The following BRINP2 variants were observed in gnomAD, a reference collection of about 807,000 sequenced individuals.
BRINP2 encodes BMP/retinoic acid inducible neural specific 2, also known as BMP/retinoic acid-inducible neural-specific protein 2.
In BRINP2, 21 loss-of-function variants were observed where a neutral mutation model predicts 69.2. That is an observed-to-expected ratio of 0.30 (90% CI 0.22 to 0.44). BRINP2 has a LOEUF of 0.44. Among genes scored for constraint, BRINP2 ranks in the 20% least tolerant of loss-of-function variants. The pLI, the probability that BRINP2 is intolerant of heterozygous loss-of-function variation, is 1.00. For synonymous variants in BRINP2, 380 were observed against 394.1 expected (o/e 0.96, Z 0.42); for missense variants, 877 against 986.0 (o/e 0.89, Z 1.48).
At chr1:177,238,282 A>G (rs1439118483) in intron 2 of BRINP2, among the ~76,000 whole-genome samples, 1 of 152,268 alleles carries the variant, frequency 6.6e-6, no homozygotes, top group African/African-American at 2.4e-5. Context: ...GAGTAGAAAC[A>G]GTGAGTCTGC....
At chr1:177,260,034 T>C (rs1650897233) in intron 4 of BRINP2, among the ~76,000 whole-genome samples, 1 of 152,200 alleles carries the variant, frequency 6.6e-6, no homozygotes, top group African/African-American at 2.4e-5. Context: ...CTGACAAATC[T>C]GGGCAAAGTA....
chr1:177,219,681 A>G (rs1017542928), intron 1 of BRINP2, among the ~76,000 whole-genome samples: 2 of 152,202 alleles, frequency 1.3e-5, no homozygotes, highest in African/African-American at 4.8e-5. Context: ...AGCTTGGGCT[A>G]AAAGTTCAGA....
At chr1:177,221,557 T>G (rs952510394) in intron 1 of BRINP2, among the ~76,000 whole-genome samples, 1 of 152,214 alleles carries the variant, frequency 6.6e-6, no homozygotes, top group Non-Finnish European at 1.5e-5. Context: ...ATCAGAATGT[T>G]GCATCAAAAT....
chr1:177,189,337 AT>A (rs1450276580), intron 1 of BRINP2, among the ~76,000 whole-genome samples: 1 of 152,156 alleles, frequency 6.6e-6, no homozygotes, highest in Non-Finnish European at 1.5e-5. Context: ...AACAAGGTCC[AT>A]TTGGTAACTG....
chr1:177,202,464 A>G (rs1462990871), intron 1 of BRINP2, among the ~76,000 whole-genome samples: 3 of 152,228 alleles, frequency 2.0e-5, no homozygotes, highest in East Asian at 1.9e-4. Context: ...TATGTACCCA[A>G]TAGTCATTTA....
chr1:177,259,652 T>C (rs2102349386), intron 4 of BRINP2, among the ~76,000 whole-genome samples: 1 of 152,314 alleles, frequency 6.6e-6, no homozygotes, highest in Non-Finnish European at 1.5e-5. Flanking sequence ...AAGCCAAGAC[T>C]CATTTAGCAT....
chr1:177,180,417 C>G lies in BRINP2; in HGVS notation c.-77+8685C>G, dbSNP rs77844394. On this transcript the variant is annotated intron_variant, in intron 1 of 7. Transcript: ENST00000361539. ...CTTGTATCAGCCTCAGTACCCCCAC[C>G]TAGTAAAATGGATATTACACCTTAT... Among the ~76,000 whole-genome samples, 1,066 of 152,234 alleles carry G rather than the reference C, an allele frequency of 7.0e-3. 12 individuals are homozygous for G. Among genetic ancestry groups the G allele is most frequent in the African/African-American group, 0.024 (995 of 41,538 alleles).
intron 1 of BRINP2, among the ~76,000 whole-genome samples, chr1:177,175,688 C>T (rs1648068890): frequency 6.6e-6 from 1 of 152,144 alleles, no homozygotes; most frequent in Non-Finnish European, 1.5e-5. Flanking sequence ...AAGTAAAACC[C>T]CCAAGAACCC....
chr1:177,253,461 T>C (rs1650647220), intron 2 of BRINP2, among the ~76,000 whole-genome samples: 1 of 152,184 alleles, frequency 6.6e-6, no homozygotes, highest in African/African-American at 2.4e-5. Context: ...GACTCATAAT[T>C]TGCAAATATT....
chr1:177,226,214 G>A (rs1310151095), intron 1 of BRINP2, among the ~76,000 whole-genome samples: 1 of 152,204 alleles, frequency 6.6e-6, no homozygotes, highest in African/African-American at 2.4e-5. Context: ...AGTGCACCAA[G>A]GGGTGAAGTA....
intron 4 of BRINP2, among the ~76,000 whole-genome samples, chr1:177,259,628 G>A (rs1650880671): frequency 6.6e-6 from 1 of 152,152 alleles, no homozygotes; most frequent in South Asian, 2.1e-4. Context: ...AATATAGCTG[G>A]TCACTTTAAA....
At chr1:177,250,074 C>T (rs1262683106) in intron 2 of BRINP2, among the ~76,000 whole-genome samples, 1 of 151,130 alleles carries the variant, frequency 6.6e-6, no homozygotes, top group Admixed American at 6.6e-5. Flanking sequence ...GTGGCTGAGG[C>T]CTTATGCCTC....
chr1:177,174,117 G>T (rs548980764), intron 1 of BRINP2, among the ~76,000 whole-genome samples: 1 of 152,078 alleles, frequency 6.6e-6, no homozygotes, highest in Non-Finnish European at 1.5e-5. Context: ...AATGATTTTA[G>T]CCCCCTTCTT....
At chr1:177,184,477 C>G (rs1239462008) in intron 1 of BRINP2, among the ~76,000 whole-genome samples, 2 of 152,124 alleles carry the variant, frequency 1.3e-5, no homozygotes, top group Non-Finnish European at 2.9e-5. Context: ...AAGATAAATT[C>G]TTTCTCTCCC....
At chr1:177,215,747 G>A (rs1649357514) in intron 1 of BRINP2, among the ~76,000 whole-genome samples, 1 of 152,104 alleles carries the variant, frequency 6.6e-6, no homozygotes, top group Non-Finnish European at 1.5e-5. Flanking sequence ...GACCTGGCAA[G>A]AGTGGGCATC....
chr1:177,270,299 A>G (rs1310903483), intron 4 of BRINP2, among the ~76,000 whole-genome samples: 1 of 152,142 alleles, frequency 6.6e-6, no homozygotes, highest in East Asian at 1.9e-4. Flanking sequence ...TTTTCACTCT[A>G]ACAGGAAATG....
chr1:177,245,268 G>C (rs1240162310), intron 2 of BRINP2, among the ~76,000 whole-genome samples: 1 of 151,824 alleles, frequency 6.6e-6, no homozygotes, highest in Non-Finnish European at 1.5e-5. Flanking sequence ...TCTTTAAAAA[G>C]AAAGAACGTT....
intron 1 of BRINP2, among the ~76,000 whole-genome samples, chr1:177,214,754 A>AT (rs1427955352): frequency 6.6e-6 from 1 of 152,184 alleles, no homozygotes; most frequent in South Asian, 2.1e-4. Context: ...ACTTTTCATT[A>AT]TTTTTTAGGA....
intron 4 of BRINP2, among the ~76,000 whole-genome samples, chr1:177,267,892 A>ATTGAGAATTCTT (rs1329025075): frequency 4.6e-5 from 7 of 152,244 alleles, no homozygotes; most frequent in African/African-American, 1.7e-4. Context: ...TTCTCTAAGA[A>ATTGAGAATTCTT]CACATTGAAA....
Sources: gnomAD v4.1 joint callset for allele counts (sites outside exome capture counted in the v4.1 genomes callset) on GRCh38, gnomAD v4.1.1 for gene constraint, MANE v1.5 for transcripts, NCBI Gene and HGNC (gene_info 2026-07-23, HGNC 2026-07-21) for gene names.